PRIMPOL: variants seen among roughly 807,000 people sequenced by gnomAD.
The protein encoded by PRIMPOL is primase and DNA directed polymerase, also known as DNA-directed primase/polymerase protein.
In PRIMPOL, 54 loss-of-function variants were observed where a neutral mutation model predicts 63.6. The ratio of observed to expected loss-of-function variants is 0.85; its 90% CI spans 0.68 to 1.07. PRIMPOL has a LOEUF of 1.07. Among genes scored for constraint, PRIMPOL ranks in the 50% least tolerant of loss-of-function variants. PRIMPOL has a pLI of 0.00. For missense variants in PRIMPOL, 610 were observed against 648.3 expected, an observed-to-expected ratio of 0.94 and a Z score of 0.64; for synonymous variants, 197 against 220.2, an observed-to-expected ratio of 0.89 and a Z score of 0.93.
chr4:184,682,414 T>C (rs1327016180), intron 9 of PRIMPOL, 78 bp downstream of exon 9: 10 of 759,000 alleles, frequency 1.3e-5, no homozygotes, highest in Middle Eastern at 6.4e-4. Context: ...AGTGGTGCGA[T>C]CTCGGCTCAC....
At chr4:184,693,141 A>C (rs528892214) in intron 13 of PRIMPOL, among the ~76,000 whole-genome samples, 1 of 151,156 alleles carries the variant, frequency 6.6e-6, no homozygotes, top group Non-Finnish European at 1.5e-5. Flanking sequence ...AAAAAACTCC[A>C]TATGTTTGAA....
intron 6 of PRIMPOL, among the ~76,000 whole-genome samples, chr4:184,666,574 C>T (rs992554741): frequency 6.6e-6 from 1 of 152,204 alleles, no homozygotes. Context: ...TTGGCATTTG[C>T]ATCTCTAATC....
intron 11 of PRIMPOL, among the ~76,000 whole-genome samples, chr4:184,689,446 C>CTTTT (rs70962517): frequency 1.8e-4 from 9 of 50,264 alleles, no homozygotes; most frequent in African/African-American, 5.9e-4. Flanking sequence ...GTTAATGGTG[C>CTTTT]TTTTTTTTTT....
In PRIMPOL at chr4:184,694,758, T is replaced by C. The variant is rs1026058361; in HGVS notation, c.1662T>C (p.Ile554=). Residue 554 remains isoleucine (I), a synonymous_variant, in exon 14 of 14, where the codon ATT becomes ATC. Coordinates refer to ENST00000314970, the MANE Select transcript of PRIMPOL (RefSeq NM_152683.4). ...SEVDEIPDEL[I]IEVLQE is the part of the protein sequence containing the mutation. ...TGGATGAAATTCCTGATGAACTAAT[T>C]ATAGAAGTATTACAAGAGTAACTAA... 1 of 1,611,384 alleles carries C rather than the reference T, an allele frequency of 6.2e-7. No homozygotes were observed. The highest frequency in any genetic ancestry group is 8.5e-7 in the Non-Finnish European group (1 of 1,177,516).
intron 11 of PRIMPOL, among the ~76,000 whole-genome samples, chr4:184,686,689 G>A (rs569596867): frequency 2.0e-5 from 3 of 152,034 alleles, no homozygotes; most frequent in Non-Finnish European, 2.9e-5. Flanking sequence ...AGCAACTCCC[G>A]TATCCTCAAG....
rs907327137 is a variant in PRIMPOL, at chr4:184,657,016, C to T, written c.-59-66C>T. On this transcript the variant is annotated intron_variant, in intron 2 of 13. Transcript: ENST00000314970. ...AAGTGTCAGGAAGTGAGTTTTGAAA[C>T]TTTATCAAACAAAATATATTCTAAA... 4.1e-6 allele frequency: 3 copies of T among 730,482 alleles called. No individual in the cohort carries two copies. In the African/African-American group the frequency reaches 5.5e-5, roughly 13 times the overall value. 45.3% of individuals were successfully genotyped at this position (730,482 alleles called of 1,614,324 possible).
At chr4:184,671,943 TG>T (rs1751835232) in intron 6 of PRIMPOL, among the ~76,000 whole-genome samples, 2 of 151,940 alleles carry the variant, frequency 1.3e-5, no homozygotes, top group Non-Finnish European at 2.9e-5. Context: ...GGTTTCACCG[TG>T]TTAACCAGGA....
intron 6 of PRIMPOL, among the ~76,000 whole-genome samples, chr4:184,666,417 C>G (rs1749895622): frequency 6.6e-6 from 1 of 152,198 alleles, no homozygotes; most frequent in African/African-American, 2.4e-5. Context: ...AAGCCAGGAT[C>G]ACACCACTGC....
At chr4:184,678,189 C>T in intron 7 of PRIMPOL, 43 bp from the exon 8 acceptor site, 1 of 1,329,328 alleles carries the variant, frequency 7.5e-7, no homozygotes, top group Non-Finnish European at 1.0e-6. Context: ...AAACTAATAA[C>T]AGAAAACATG....
intron 3 of PRIMPOL, chr4:184,657,539 A>G (rs888916524): frequency 4.6e-6 from 2 of 437,682 alleles, no homozygotes; most frequent in Admixed American, 4.1e-5. Context: ...TATATTAGTA[A>G]TGAAAAAGAA....
At chr4:184,676,420 T>TTTCC (rs1753475352) in intron 7 of PRIMPOL, among the ~76,000 whole-genome samples, 1 of 95,394 alleles carries the variant, frequency 1.0e-5, no homozygotes, top group Admixed American at 1.0e-4. Context: ...CTCCCTTCCC[T>TTTCC]TCTCCCTTCC....
rs1751993798 is a variant in PRIMPOL, at chr4:184,672,266, C to T, written c.650C>T (p.Pro217Leu). 1 of 1,613,916 alleles carries T rather than the reference C, an allele frequency of 6.2e-7. No individual in the cohort carries two copies. The highest frequency in any genetic ancestry group is 1.3e-5 in the African/African-American group (1 of 74,872). The change falls in exon 7 of 14, where the codon CCC (proline) becomes CTC (leucine). Residue 217 changes from proline to leucine, a missense_variant. By Grantham distance (98) the Pro-to-Leu change is moderately conservative. This residue lies in a region of PRIMPOL where 444 missense variants were observed against 456.4 expected (regional missense o/e 0.97). Transcript: ENST00000314970. ...CCAGAGACAACAGGCCATGGATTTC[C>T]CCATTTTTCAGAAGCACCTGCAAGA... ...SAPETTGHGF[P>L]HFSEAPARQG...
intron 8 of PRIMPOL, among the ~76,000 whole-genome samples, chr4:184,680,845 A>G (rs1364114178): frequency 6.6e-6 from 1 of 152,170 alleles, no homozygotes; most frequent in East Asian, 1.9e-4. Context: ...TAGATCCGGG[A>G]TTCTGAAGTG....
intron 9 of PRIMPOL, among the ~76,000 whole-genome samples, 180 bp from the exon 10 acceptor site, chr4:184,685,229 A>G (rs1756693523): frequency 1.3e-5 from 2 of 152,232 alleles, no homozygotes; most frequent in Non-Finnish European, 2.9e-5. Context: ...GACCTAATTG[A>G]GAGGTTTGAA....
At chr4:184,670,635 A>G (rs966361337) in intron 6 of PRIMPOL, among the ~76,000 whole-genome samples, 12 of 146,194 alleles carry the variant, frequency 8.2e-5, no homozygotes, top group Non-Finnish European at 1.0e-4. Flanking sequence ...TGCAACCTCC[A>G]CCTCCCAGGT....
chr4:184,671,380 T>A (rs1751571167), intron 6 of PRIMPOL, among the ~76,000 whole-genome samples: 1 of 152,154 alleles, frequency 6.6e-6, no homozygotes, highest in South Asian at 2.1e-4. Flanking sequence ...TCCCCGAGAT[T>A]TCCTCAGTGC....
At chr4:184,686,845 T>C (rs1416274361) in intron 11 of PRIMPOL, among the ~76,000 whole-genome samples, 1 of 152,086 alleles carries the variant, frequency 6.6e-6, no homozygotes. Context: ...AACTATATGC[T>C]CAATACACAA....
intron 7 of PRIMPOL, 102 bp downstream of exon 7, chr4:184,672,562 C>T (rs1247249667): frequency 4.9e-5 from 58 of 1,192,512 alleles, no homozygotes; most frequent in Non-Finnish European, 6.4e-5. Context: ...TTGCTTCCTC[C>T]ACTGCCCAAG....
At chr4:184,691,079 T>C (rs1168661227) in intron 11 of PRIMPOL, among the ~76,000 whole-genome samples, 1 of 152,220 alleles carries the variant, frequency 6.6e-6, no homozygotes, top group Admixed American at 6.5e-5. Context: ...TTAATTGCTT[T>C]TTGTCATTCA....
Sources: allele counts gnomAD v4.1 joint callset (sites outside exome capture counted in the v4.1 genomes callset), GRCh38; gene constraint gnomAD v4.1.1; regional missense constraint gnomAD v4.1.1; transcripts MANE v1.5; gene names NCBI Gene and HGNC (gene_info 2026-07-23, HGNC 2026-07-21).